KCNIP4: variants seen among roughly 807,000 people sequenced by gnomAD.
The protein encoded by KCNIP4 is potassium voltage-gated channel interacting protein 4, also known as Kv channel-interacting protein 4.
Under a neutral mutation model 34.0 loss-of-function variants are expected in KCNIP4, and 12 were observed. That is an observed-to-expected ratio of 0.35 (90% CI 0.23 to 0.57). KCNIP4 has a LOEUF of 0.57. Ranked by LOEUF, KCNIP4 falls within the 20% of genes least tolerant of loss-of-function variation. KCNIP4 has a pLI of 0.83. For missense variants in KCNIP4, 238 were observed against 311.7 expected (o/e 0.76, Z 1.78); for synonymous variants, 124 against 102.2 (o/e 1.21, Z -1.29).
chr4:21,330,121 A>G (rs1411356318), intron 1 of KCNIP4, among the ~76,000 whole-genome samples: 1 of 152,210 alleles, frequency 6.6e-6, no homozygotes, highest in Non-Finnish European at 1.5e-5. Context: ...TAAATCATCT[A>G]ATAGATAATT....
intron 1 of KCNIP4, among the ~76,000 whole-genome samples, chr4:20,896,413 C>G (rs1188610851): frequency 6.6e-6 from 1 of 152,084 alleles, no homozygotes; most frequent in African/African-American, 2.4e-5. Flanking sequence ...AGAATGTTTG[C>G]AAATGCAATT....
chr4:21,851,996 ATG>A (rs930861529), intron 1 of KCNIP4: 17 of 10,594 alleles, frequency 1.6e-3, no homozygotes, highest in Admixed American at 2.2e-3. Flanking sequence ...TTCAATTAAT[ATG>A]TGTGTGTGTG....
At chr4:20,895,968 G>A (rs973575998) in intron 1 of KCNIP4, among the ~76,000 whole-genome samples, 1 of 152,320 alleles carries the variant, frequency 6.6e-6, no homozygotes, top group East Asian at 1.9e-4. Flanking sequence ...GTGGGCTAGA[G>A]TTGGAGCTTT....
intron 1 of KCNIP4, among the ~76,000 whole-genome samples, chr4:21,247,882 A>C (rs1449025251): frequency 8.7e-5 from 12 of 137,174 alleles, no homozygotes; most frequent in Admixed American, 2.3e-4. Flanking sequence ...ACACACACAC[A>C]CCACAGGTAG....
intron 1 of KCNIP4, among the ~76,000 whole-genome samples, chr4:21,459,690 C>A (rs912939275): frequency 6.6e-6 from 1 of 152,020 alleles, no homozygotes; most frequent in Non-Finnish European, 1.5e-5. Context: ...CTTTACTCTC[C>A]CCCCATTTCA....
At position 21,484,963 on chromosome 4, in the gene KCNIP4, T is replaced by A. The variant is rs77120513; in HGVS notation, c.61+463608A>T. On this transcript the variant is annotated intron_variant, in intron 1 of 8. Transcript: ENST00000382152. ...TAGTGTTGAATAATTTTTCGTTGAA[T>A]AAATACCAAGGTCCAGAGAGATATT... Among the ~76,000 whole-genome samples, 1,040 of 152,316 alleles carry A rather than the reference T, an allele frequency of 6.8e-3. 49 individuals are homozygous for A. The East Asian group carries it at 0.12, about 17-fold the overall frequency.
At chr4:21,338,279 A>G (rs1348935402) in intron 1 of KCNIP4, among the ~76,000 whole-genome samples, 1 of 151,478 alleles carries the variant, frequency 6.6e-6, no homozygotes, top group East Asian at 1.9e-4. Context: ...AAAAAAAAAA[A>G]AAAAAAAAGA....
intron 1 of KCNIP4, among the ~76,000 whole-genome samples, chr4:21,132,132 T>C (rs1457105162): frequency 6.6e-6 from 1 of 152,258 alleles, no homozygotes; most frequent in Non-Finnish European, 1.5e-5. Flanking sequence ...AAGAGAATTT[T>C]GTTGCCCTTG....
At chr4:21,022,392 A>G (rs1216260387) in intron 1 of KCNIP4, among the ~76,000 whole-genome samples, 2 of 152,236 alleles carry the variant, frequency 1.3e-5, no homozygotes, top group Non-Finnish European at 2.9e-5. Context: ...TTTAAGCACA[A>G]TCCAAACATT....
At chr4:21,476,175 T>C (rs576299197) in intron 1 of KCNIP4, among the ~76,000 whole-genome samples, 1 of 152,330 alleles carries the variant, frequency 6.6e-6, no homozygotes, top group East Asian at 1.9e-4. Flanking sequence ...TTCTGCATTT[T>C]ATATAGGTAA....
intron 3 of KCNIP4, among the ~76,000 whole-genome samples, chr4:20,806,342 G>A (rs551503796): frequency 6.6e-6 from 1 of 151,764 alleles, no homozygotes; most frequent in Admixed American, 6.6e-5. Flanking sequence ...TCTCTTGTGT[G>A]CTTTTTTATT....
At chr4:20,912,278 A>G (rs1454601219) in intron 1 of KCNIP4, among the ~76,000 whole-genome samples, 1 of 152,182 alleles carries the variant, frequency 6.6e-6, no homozygotes, top group African/African-American at 2.4e-5. Flanking sequence ...ATGATCTTGT[A>G]TGTAGAAAAT....
chr4:21,463,732 T>C (rs1318031642), intron 1 of KCNIP4, among the ~76,000 whole-genome samples: 1 of 152,054 alleles, frequency 6.6e-6, no homozygotes, highest in East Asian at 1.9e-4. Flanking sequence ...TAGAATGGGT[T>C]TGGAAATATT....
At chr4:21,645,671 T>C (rs973742399) in intron 1 of KCNIP4, among the ~76,000 whole-genome samples, 5 of 152,124 alleles carry the variant, frequency 3.3e-5, no homozygotes, top group Non-Finnish European at 5.9e-5. Context: ...CTCTGTGCTG[T>C]CCTTGATCGC....
At chr4:20,790,018 T>C (rs1364219148) in intron 3 of KCNIP4, among the ~76,000 whole-genome samples, 1 of 152,128 alleles carries the variant, frequency 6.6e-6, no homozygotes, top group East Asian at 1.9e-4. Flanking sequence ...GACTTCCATT[T>C]TGTGCAAATA....
chr4:21,520,944 C>T (rs1428877010), intron 1 of KCNIP4, among the ~76,000 whole-genome samples: 1 of 152,036 alleles, frequency 6.6e-6, no homozygotes, highest in East Asian at 1.9e-4. Context: ...AATTAAATTG[C>T]CCTCTATTAT....
intron 1 of KCNIP4, among the ~76,000 whole-genome samples, chr4:21,273,121 A>C (rs1762248481): frequency 6.6e-6 from 1 of 152,150 alleles, no homozygotes; most frequent in African/African-American, 2.4e-5. Context: ...CTGATAGTAC[A>C]TCAAAAGTGG....
chr4:21,226,443 T>C lies in KCNIP4; in HGVS notation c.62-343734A>G, dbSNP rs140312799. On this transcript the variant is annotated intron_variant, in intron 1 of 8. Transcript: ENST00000382152. ...TGGTTGCCACATAGGATTTTGATGA[T>C]ACAATTATGAACGTGAAATTTGTAT... Among the ~76,000 whole-genome samples the C allele has an allele frequency of 1.5e-3, 234 of 151,890 alleles. 2 individuals carry two copies. The highest frequency in any genetic ancestry group is 7.1e-4 in the Non-Finnish European group (48 of 67,998).
intron 1 of KCNIP4, among the ~76,000 whole-genome samples, chr4:21,806,659 G>A (rs1459280): frequency 0.86 from 130,695 of 152,160 alleles, 56,381 homozygotes; most frequent in East Asian, 0.9. Flanking sequence ...TTCATGACCT[G>A]TTGGGTTAGA....
Sources: allele counts gnomAD v4.1 joint callset (sites outside exome capture counted in the v4.1 genomes callset), GRCh38; gene constraint gnomAD v4.1.1; transcripts MANE v1.5; gene names NCBI Gene and HGNC (gene_info 2026-07-23, HGNC 2026-07-21).